Variants in DEFB123 observed in about 807,000 individuals in gnomAD.
DEFB123 encodes defensin beta 123, also known as beta-defensin 123.
For synonymous variants in DEFB123, 22 were observed against 28.3 expected (o/e 0.78, Z 0.71); for missense variants, 71 against 75.0 (o/e 0.95, Z 0.20).
At chr20:31,442,001 T>C (rs982200845) in intron 1 of DEFB123, among the ~76,000 whole-genome samples, 1 of 152,196 alleles carries the variant, frequency 6.6e-6, no homozygotes, top group Non-Finnish European at 1.5e-5. Context: ...GCTTCTCTAT[T>C]TTCTCTAACT....
intron 1 of DEFB123, among the ~76,000 whole-genome samples, chr20:31,444,065 T>C (rs1317866433): frequency 4.6e-5 from 7 of 152,356 alleles, no homozygotes; most frequent in Admixed American, 3.3e-4. Flanking sequence ...ATGAGTTTGC[T>C]GTTCTGTTGT....
Position 31,440,722 on chromosome 20 carries a change from G to A in DEFB123, c.24G>A (p.Leu8=). The A allele has an allele frequency of 6.2e-7, 1 of 1,613,710 alleles. No homozygotes were observed. The highest frequency in any genetic ancestry group is 8.5e-7 in the Non-Finnish European group (1 of 1,180,028). The part of the protein sequence containing the change: MKLLLLT[L]TVLLLLSQLT... ...CCATGAAGCTCCTTTTGCTGACTTTGACTGTGCTGCTGCTCTTATCCCAGC... is the reference window on the plus strand; with the variant it reads ...CCATGAAGCTCCTTTTGCTGACTTTAACTGTGCTGCTGCTCTTATCCCAGC... Residue 8 remains leucine, a synonymous_variant, in exon 1 of 2, where the codon TTG becomes TTA. Transcript: ENST00000376309.
At chr20:31,448,540 T>A (rs75092483) in intron 1 of DEFB123, among the ~76,000 whole-genome samples, 1 of 144,894 alleles carries the variant, frequency 6.9e-6, no homozygotes, top group African/African-American at 2.5e-5. Flanking sequence ...TGCTCTTTTT[T>A]CCCCCCATCT....
intron 1 of DEFB123, among the ~76,000 whole-genome samples, chr20:31,449,704 GT>G (rs1979686990): frequency 1.4e-5 from 2 of 143,842 alleles, no homozygotes; most frequent in Admixed American, 1.4e-4. Flanking sequence ...GGAGGAGGAG[GT>G]TTGCAGTGAG....
At chr20:31,446,729 C>T (rs905223109) in intron 1 of DEFB123, among the ~76,000 whole-genome samples, 1 of 152,320 alleles carries the variant, frequency 6.6e-6, no homozygotes, top group East Asian at 1.9e-4. Flanking sequence ...GTGTAAGAAC[C>T]TTAAAACAGT....
intron 1 of DEFB123, among the ~76,000 whole-genome samples, chr20:31,441,845 ACT>A (rs1258837286): frequency 6.6e-6 from 1 of 152,032 alleles, no homozygotes; most frequent in East Asian, 1.9e-4. Context: ...TCATTTTCTG[ACT>A]CTGTGAGCCC....
intron 1 of DEFB123, 121 bp from the exon 2 acceptor site, chr20:31,449,908 C>A: frequency 7.9e-7 from 1 of 1,270,754 alleles, no homozygotes; most frequent in Non-Finnish European, 1.1e-6. Flanking sequence ...TGAAAAGAGT[C>A]AAAGGCAAGG....
chr20:31,444,462 C>G (rs1451040733), intron 1 of DEFB123, among the ~76,000 whole-genome samples: 2 of 152,072 alleles, frequency 1.3e-5, no homozygotes, highest in Non-Finnish European at 1.5e-5. Flanking sequence ...GTATAGGCCT[C>G]TCAGTCTATA....
At chr20:31,441,750 C>G (rs890813792) in intron 1 of DEFB123, among the ~76,000 whole-genome samples, 2 of 152,092 alleles carry the variant, frequency 1.3e-5, no homozygotes, top group African/African-American at 4.8e-5. Flanking sequence ...AGCTGACCTC[C>G]GTCCTTGTGT....
intron 1 of DEFB123, among the ~76,000 whole-genome samples, chr20:31,448,789 G>T (rs974756621): frequency 6.6e-6 from 1 of 151,808 alleles, no homozygotes; most frequent in Admixed American, 6.6e-5. Context: ...TCAGCTCACT[G>T]CAACCTCCAC....
At chr20:31,442,379 GA>G (rs1373150315) in intron 1 of DEFB123, among the ~76,000 whole-genome samples, 1 of 152,148 alleles carries the variant, frequency 6.6e-6, no homozygotes, top group African/African-American at 2.4e-5. Context: ...CAGTTGAATG[GA>G]TTTCTTGTTC....
chr20:31,447,330 A>C (rs2122417450), intron 1 of DEFB123, among the ~76,000 whole-genome samples: 1 of 152,278 alleles, frequency 6.6e-6, no homozygotes, highest in South Asian at 2.1e-4. Context: ...GTTTACATTT[A>C]CCCATAGTTA....
rs747628781 is a variant in DEFB123 at position 31,450,068 on chromosome 20, G to T, written c.98G>T (p.Arg33Leu). 6.2e-7 allele frequency: 1 copy of T among 1,611,472 alleles called. No individual in the cohort carries two copies. Among genetic ancestry groups the T allele is most frequent in the Non-Finnish European group, 8.5e-7 (1 of 1,178,954 alleles). ...QRCWNLYGKC[R>L]YRCSKKERVY... Reference sequence around the variant, plus strand: ...TGCTGGAATCTTTATGGCAAATGCCGTTACAGATGCTCCAAGAAGGAAAGA... The same window carrying T: ...TGCTGGAATCTTTATGGCAAATGCCTTTACAGATGCTCCAAGAAGGAAAGA... Residue 33 changes from arginine to leucine, a missense_variant, in exon 2 of 2, where the codon CGT becomes CTT. Transcript: ENST00000376309.
chr20:31,447,617 T>C (rs1024479815), intron 1 of DEFB123, among the ~76,000 whole-genome samples: 3 of 141,012 alleles, frequency 2.1e-5, no homozygotes, highest in African/African-American at 8.4e-5. Context: ...TCTGTGTTGG[T>C]TTTTTTTTTT....
At chr20:31,444,814 A>G (rs1378926186) in intron 1 of DEFB123, among the ~76,000 whole-genome samples, 1 of 152,032 alleles carries the variant, frequency 6.6e-6, no homozygotes, top group East Asian at 1.9e-4. Flanking sequence ...ATTGACAGTC[A>G]CTCCGAAAAC....
In DEFB123 at chr20:31,450,053, T is replaced by G; in HGVS notation, c.83T>G (p.Leu28Arg). 1.9e-6 allele frequency: 3 copies of G among 1,611,578 alleles called. No homozygotes were observed. The highest frequency in any genetic ancestry group is 2.5e-6 in the Non-Finnish European group (3 of 1,179,000). ...GGTGGCACCCAAAGATGCTGGAATC[T>G]TTATGGCAAATGCCGTTACAGATGC... Reference protein sequence around the residue: ...TPGGTQRCWNLYGKCRYRCSK... With the variant: ...TPGGTQRCWNRYGKCRYRCSK... The change falls in exon 2 of 2, where the codon CTT becomes CGT. Residue 28 changes from leucine to arginine, a missense_variant. Transcript: ENST00000376309.
intron 1 of DEFB123, among the ~76,000 whole-genome samples, chr20:31,441,445 G>A (rs1197304158): frequency 1.3e-5 from 2 of 152,170 alleles, no homozygotes; most frequent in African/African-American, 4.8e-5. Flanking sequence ...AAGGTTGGAT[G>A]CGGGAGAGAG....
chr20:31,447,009 TC>T (rs1372772718), intron 1 of DEFB123, among the ~76,000 whole-genome samples: 1 of 146,908 alleles, frequency 6.8e-6, no homozygotes, highest in Admixed American at 6.9e-5. Context: ...ACACCTGTAA[TC>T]CCAGCACTTT....
Position 31,440,862 on chromosome 20 carries a change from G to A in DEFB123, c.58+106G>A, listed in dbSNP as rs150830963. On this transcript the variant is annotated intron_variant, in intron 1 of 1. Transcript: ENST00000376309. ...GCTGCAGGTTGTCATCTAGCACCACGTATAGGAGGCAGGAGGCGCCTCACC... is the reference window on the plus strand; with the variant it reads ...GCTGCAGGTTGTCATCTAGCACCACATATAGGAGGCAGGAGGCGCCTCACC... The A allele has an allele frequency of 2.1e-5, 29 of 1,386,680 alleles. 1 individual carries two copies. Among genetic ancestry groups the A allele is most frequent in the South Asian group, 9.5e-5 (8 of 84,572 alleles). 85.9% of individuals were successfully genotyped at this position (1,386,680 alleles called of 1,614,324 possible).
Sources: allele counts gnomAD v4.1 joint callset (sites outside exome capture counted in the v4.1 genomes callset), GRCh38; gene constraint gnomAD v4.1.1; transcripts MANE v1.5; gene names NCBI Gene and HGNC (gene_info 2026-07-23, HGNC 2026-07-21).